The following SCAF4 variants were observed in gnomAD, a reference collection of about 807,000 sequenced individuals.
SCAF4 encodes SR-related CTD associated factor 4.
Under a neutral mutation model 129.8 loss-of-function variants are expected in SCAF4, and 25 were observed. The observed-to-expected ratio is 0.19, with a 90% CI of 0.14 to 0.27. The LOEUF is 0.27. Ranked by LOEUF, SCAF4 falls within the 10% of genes least tolerant of loss-of-function variation. SCAF4 has a pLI of 1.00. For missense variants in SCAF4, 1,246 were observed against 1,457.1 expected (o/e 0.86, Z 2.36); for synonymous variants, 551 against 497.7 (o/e 1.11, Z -1.43).
chr21:31,704,621 C>T (rs204735), intron 3 of SCAF4, among the ~76,000 whole-genome samples: 145,005 of 152,182 alleles, frequency 0.95, 69,138 homozygotes, highest in African/African-American at 0.99. Context: ...CAACTGTTTA[C>T]GATAAACTCA....
chr21:31,687,414 TAAGTG>T (rs1237909015), intron 16 of SCAF4, among the ~76,000 whole-genome samples: 2 of 152,010 alleles, frequency 1.3e-5, no homozygotes, highest in Non-Finnish European at 2.9e-5. Flanking sequence ...CTGAAGCTTA[TAAGTG>T]AAGTTACATG....
At chr21:31,673,789 T>TTA (rs1320792837) in intron 19 of SCAF4, among the ~76,000 whole-genome samples, 1 of 152,246 alleles carries the variant, frequency 6.6e-6, no homozygotes, top group Non-Finnish European at 1.5e-5. Flanking sequence ...ACAGTCTCTT[T>TTA]TAATAGAGGG....
rs554733299 is a variant in SCAF4 at position 31,714,736 on chromosome 21, C to T, written c.31-8379G>A. Among the ~76,000 whole-genome samples the T allele has an allele frequency of 1.1e-3, 169 of 152,234 alleles. 1 individual carries two copies. The highest frequency in any genetic ancestry group is 4.0e-3 in the African/African-American group (165 of 41,530). On this transcript the variant is annotated intron_variant, in intron 1 of 19. Transcript: ENST00000286835. ...AAGTTTAGTCAACCTTTCTAAACTC[C>T]AAGGATTTTTAAAATCTGAAAAACA...
At chr21:31,696,091 A>T (rs373279482) in intron 9 of SCAF4, 22 bp downstream of exon 9, 35 of 1,542,130 alleles carry the variant, frequency 2.3e-5, no homozygotes, top group Non-Finnish European at 3.1e-5. Context: ...CTTTCTTTGA[A>T]CTGCAAGAAA....
chr21:31,680,347 T>C (rs543468270), intron 19 of SCAF4, among the ~76,000 whole-genome samples: 2 of 152,364 alleles, frequency 1.3e-5, no homozygotes, highest in South Asian at 4.1e-4. Context: ...GATTAATCAC[T>C]ATTTTGCATT....
At chr21:31,731,617 G>A (rs780072097) in intron 1 of SCAF4, 46 bp downstream of exon 1, 9 of 1,577,340 alleles carry the variant, frequency 5.7e-6, no homozygotes, top group Non-Finnish European at 7.7e-6. Context: ...ACGAGCCCCG[G>A]CTCCCGCAGC....
rs1306874135 is a variant in SCAF4 at position 31,717,920 on chromosome 21, C to T, written c.31-11563G>A. The stretch of plus-strand genomic sequence containing the variant: ...ACACATATATACACACACACACACA[C>T]ACACACACACACACACACACACACA... On this transcript the variant is annotated intron_variant, in intron 1 of 19. Transcript: ENST00000286835. Among the ~76,000 whole-genome samples, 522 of 141,398 alleles carry T rather than the reference C, an allele frequency of 3.7e-3. 10 individuals are homozygous for T. Among genetic ancestry groups the T allele is most frequent in the African/African-American group, 0.013 (453 of 34,984 alleles). The allele number at this position is 141,398 out of a possible 152,430, so 92.8% of individuals were successfully genotyped here.
chr21:31,729,893 G>A (rs961721230), intron 1 of SCAF4, among the ~76,000 whole-genome samples: 1 of 152,132 alleles, frequency 6.6e-6, no homozygotes, highest in East Asian at 1.9e-4. Flanking sequence ...AGGATTAATA[G>A]AAAATACTTT....
At position 31,696,552 on chromosome 21, in the gene SCAF4, TAAAA is replaced by T; in HGVS notation, c.959+13_959+16del. 8 of 1,196,434 alleles carry T rather than the reference TAAAA, an allele frequency of 6.7e-6. No individual in the cohort carries two copies. Among genetic ancestry groups the T allele is most frequent in the Non-Finnish European group, 8.0e-6 (7 of 870,248 alleles). The allele number at this position is 1,196,434 out of a possible 1,614,324, so 74.1% of individuals were successfully genotyped here. A position where few individuals can be genotyped will look rare whatever the true frequency, so the allele number is the denominator to read the frequency against. On this transcript the variant is annotated intron_variant, in intron 8 of 19. Transcript: ENST00000286835. ...TACCAATTTTCTATCTGCTGAGGAATAAAAAAAAAAACTAACAATGGTGCCTGTG... is the reference window on the plus strand; with the variant it reads ...TACCAATTTTCTATCTGCTGAGGAATAAAAAAACTAACAATGGTGCCTGTG...
chr21:31,680,913 A>T (rs1345173527), intron 19 of SCAF4, among the ~76,000 whole-genome samples: 3 of 152,238 alleles, frequency 2.0e-5, no homozygotes, highest in African/African-American at 7.2e-5. Context: ...CAGGGATCAT[A>T]ACGATAGCAT....
At chr21:31,727,268 C>T (rs1352659426) in intron 1 of SCAF4, among the ~76,000 whole-genome samples, 1 of 151,996 alleles carries the variant, frequency 6.6e-6, no homozygotes, top group African/African-American at 2.4e-5. Context: ...TTAGTAGAGA[C>T]AGGGTTTCAC....
In SCAF4 at chr21:31,671,363, G is replaced by T. The variant is rs377064841; in HGVS notation, c.*36C>A. On this transcript the variant is annotated 3_prime_UTR_variant, in exon 20 of 20. Transcript: ENST00000286835. ...GTACACCTCAAGCTCTACACTCCAG[G>T]AAGTGTCACTGTCACATTTTCACAA... The T allele has an allele frequency of 1.5e-5, 24 of 1,595,174 alleles. No individual in the cohort carries two copies. Among genetic ancestry groups the T allele is most frequent in the African/African-American group, 1.3e-4 (10 of 74,630 alleles).
chr21:31,705,365 CAAAGT>C, intron 3 of SCAF4, 53 bp downstream of exon 3: 1 of 828,696 alleles, frequency 1.2e-6, no homozygotes, highest in Non-Finnish European at 1.9e-6. Flanking sequence ...TTAAAATTTA[CAAAGT>C]AAATTACAAA....
At chr21:31,692,262 TG>T in intron 13 of SCAF4, 86 bp downstream of exon 13, 1 of 989,274 alleles carries the variant, frequency 1.0e-6, no homozygotes, top group East Asian at 2.4e-5. Flanking sequence ...CTGGGCAAAT[TG>T]TAACTTTGGT....
rs1432083961 is a variant in SCAF4, at chr21:31,716,584, C to T, written c.31-10227G>A. 3.9e-5 allele frequency among the ~76,000 whole-genome samples: 6 copies of T among 152,182 alleles called. No individual in the cohort carries two copies. In the South Asian group the frequency reaches 6.2e-4, roughly 16 times the overall value. On this transcript the variant is annotated intron_variant, in intron 1 of 19. Transcript: ENST00000286835. ...TAGACACTGTATAACAAAGCACACG[C>T]TAAATTTCTTAACAAAAGATAATTT... is the stretch of plus-strand genomic sequence containing the variant.
rs745466339 is a variant in SCAF4 at position 31,671,976 on chromosome 21, G to C, written c.2867C>G (p.Pro956Arg). ...QPQQQPQPQA[P>R]QQPQQQQQQQ... is the part of the protein sequence containing the mutation. ...CTGCTGCTGCTGCTGTGGTTGCTGG[G>C]GCGCCTGCGGCTGTGGCTGCTGCTG... The change falls in exon 20 of 20, where the codon CCC becomes CGC. Residue 956 changes from proline (P) to arginine (R), a missense_variant. Pro to Arg is a moderately radical substitution (Grantham distance 103). Transcript: ENST00000286835. 2.5e-6 allele frequency: 4 copies of C among 1,610,830 alleles called. No individual in the cohort carries two copies. The highest frequency in any genetic ancestry group is 3.4e-6 in the Non-Finnish European group (4 of 1,177,504).
At chr21:31,697,799 G>T (rs2050425057) in intron 7 of SCAF4, among the ~76,000 whole-genome samples, 5 of 152,332 alleles carry the variant, frequency 3.3e-5, no homozygotes, top group African/African-American at 1.2e-4. Context: ...TAAGTGTAAA[G>T]TGTGTTTTGG....
chr21:31,672,533 A>G (rs2049736520), intron 19 of SCAF4, among the ~76,000 whole-genome samples, 179 bp from the exon 20 acceptor site: 1 of 152,244 alleles, frequency 6.6e-6, no homozygotes, highest in African/African-American at 2.4e-5. Flanking sequence ...AAGCAATTGC[A>G]AAGACATTTT....
At chr21:31,713,881 T>C (rs532426639) in intron 1 of SCAF4, among the ~76,000 whole-genome samples, 1 of 152,270 alleles carries the variant, frequency 6.6e-6, no homozygotes, top group East Asian at 1.9e-4. Flanking sequence ...CAGTTACTTA[T>C]GACCAACATC....
Sources: gnomAD v4.1 joint callset for allele counts (sites outside exome capture counted in the v4.1 genomes callset) on GRCh38, gnomAD v4.1.1 for gene constraint, MANE v1.5 for transcripts, NCBI Gene and HGNC (gene_info 2026-07-23, HGNC 2026-07-21) for gene names.